The following MND1 variants were observed in gnomAD, a reference collection of about 807,000 sequenced individuals.
MND1 encodes meiotic nuclear divisions 1.
In MND1, 28 loss-of-function variants were observed where a neutral mutation model predicts 35.1. The observed-to-expected ratio is 0.80, with a 90% CI of 0.59 to 1.09. The LOEUF (loss-of-function observed/expected upper bound fraction) is 1.09, where lower values mean the gene tolerates loss of function less well. Ranked by LOEUF, MND1 falls within the 50% of genes least tolerant of loss-of-function variation. The pLI is 0.00. For missense variants in MND1, 213 were observed against 239.6 expected (o/e 0.89, Z 0.73); for synonymous variants, 69 against 70.5 (o/e 0.98, Z 0.11).
chr4:153,390,963 A>G (rs1729015092), intron 4 of MND1, among the ~76,000 whole-genome samples: 2 of 148,548 alleles, frequency 1.3e-5, no homozygotes, highest in Non-Finnish European at 3.0e-5. Flanking sequence ...TTCTTTAATT[A>G]TTGGCTTTTA....
intron 4 of MND1, among the ~76,000 whole-genome samples, chr4:153,386,893 G>C (rs1013390499): frequency 1.3e-5 from 2 of 152,150 alleles, no homozygotes; most frequent in Non-Finnish European, 2.9e-5. Context: ...AGACAAGAAG[G>C]ATGCACACTG....
chr4:153,365,511 C>T lies in MND1; in HGVS notation c.276+6889C>T, dbSNP rs535707897. On this transcript the variant is annotated intron_variant, in intron 4 of 7. Transcript: ENST00000240488. ...GATCAGATAGGTTATTGGAATAATC[C>T]AACTGTAAAGTTACAGTGGTTTTTT... Among the ~76,000 whole-genome samples the T allele has an allele frequency of 2.0e-5, 3 of 152,130 alleles. No individual in the cohort carries two copies. The East Asian group carries it at 5.8e-4, about 29-fold the overall frequency.
At chr4:153,407,706 A>G (rs1236644586) in intron 6 of MND1, among the ~76,000 whole-genome samples, 4 of 152,230 alleles carry the variant, frequency 2.6e-5, no homozygotes, top group Non-Finnish European at 5.9e-5. Context: ...ATAAAAAAGA[A>G]TGAGGTATTG....
At chr4:153,360,604 G>GTATATA (rs1351117949) in intron 4 of MND1, among the ~76,000 whole-genome samples, 1 of 128,494 alleles carries the variant, frequency 7.8e-6, no homozygotes, top group African/African-American at 3.3e-5. Context: ...GTGTGTGTGT[G>GTATATA]TGTATATATA....
At chr4:153,390,927 G>A (rs1435936951) in intron 4 of MND1, among the ~76,000 whole-genome samples, 38 of 144,338 alleles carry the variant, frequency 2.6e-4, no homozygotes, top group African/African-American at 9.9e-4. Flanking sequence ...ATATGTGTGT[G>A]TGTGTGTGTG....
At chr4:153,371,192 C>G (rs1237037282) in intron 4 of MND1, among the ~76,000 whole-genome samples, 1 of 152,006 alleles carries the variant, frequency 6.6e-6, no homozygotes, top group Non-Finnish European at 1.5e-5. Context: ...CTTTGTTATT[C>G]CACTTATAGG....
At chr4:153,394,450 G>A (rs1012080933) in intron 5 of MND1, 114 bp downstream of exon 5, 4 of 731,300 alleles carry the variant, frequency 5.5e-6, no homozygotes, top group South Asian at 5.3e-5. Context: ...GGGGATCATA[G>A]CCAAGGATAG....
chr4:153,356,625 C>T (rs1773349983), intron 3 of MND1, among the ~76,000 whole-genome samples: 1 of 150,790 alleles, frequency 6.6e-6, no homozygotes, highest in Non-Finnish European at 1.5e-5. Flanking sequence ...CGTTTCTCCA[C>T]CCATACTGAG....
chr4:153,381,995 G>T (rs1213304920), intron 4 of MND1: 3 of 151,662 alleles, frequency 2.0e-5, no homozygotes, highest in African/African-American at 7.3e-5. Flanking sequence ...GGGACTACAG[G>T]TGCACACCAC....
At chr4:153,345,369 A>T in intron 1 of MND1, 1 of 985,356 alleles carries the variant, frequency 1.0e-6, no homozygotes, top group Non-Finnish European at 1.2e-6. Context: ...TTCTGTGAAA[A>T]CGCCCCGGTT....
intron 7 of MND1, among the ~76,000 whole-genome samples, chr4:153,413,366 A>C (rs542425494): frequency 2.0e-5 from 3 of 152,256 alleles, no homozygotes. Context: ...GTGTATGTAC[A>C]TTAAAGAAAT....
intron 4 of MND1, among the ~76,000 whole-genome samples, chr4:153,365,864 A>G (rs1224435518): frequency 6.6e-6 from 1 of 152,226 alleles, no homozygotes; most frequent in Non-Finnish European, 1.5e-5. Flanking sequence ...GGATTTCCTT[A>G]TGGAATGGAT....
intron 4 of MND1, among the ~76,000 whole-genome samples, chr4:153,385,730 A>G (rs1822012): frequency 0.055 from 8,226 of 150,740 alleles, 349 homozygotes; most frequent in South Asian, 0.14. Context: ...AAAAAAAAAA[A>G]AAAAGAAAAG....
Position 153,392,194 on chromosome 4 carries a change from C to G in MND1, c.277-2068C>G, listed in dbSNP as rs533709034. On this transcript the variant is annotated intron_variant, in intron 4 of 7. Transcript: ENST00000240488. ...TCGGCTCACTGCAAGCTCCACCTCC[C>G]GGGTTCATGCCATTCTCCCACCTCA... is the stretch of plus-strand genomic sequence containing the variant. Among the ~76,000 whole-genome samples the G allele has an allele frequency of 6.6e-5, 10 of 151,926 alleles. No individual in the cohort carries two copies. In the South Asian group the frequency reaches 2.1e-3, roughly 32 times the overall value.
At chr4:153,359,629 C>T (rs1773430250) in intron 4 of MND1, among the ~76,000 whole-genome samples, 2 of 152,186 alleles carry the variant, frequency 1.3e-5, no homozygotes, top group Non-Finnish European at 2.9e-5. Flanking sequence ...GCATTCCCAA[C>T]TACAGTGGGT....
intron 6 of MND1, among the ~76,000 whole-genome samples, chr4:153,405,541 GA>G (rs70963177): frequency 0.49 from 66,229 of 135,632 alleles, 17,702 homozygotes; most frequent in African/African-American, 0.78. Flanking sequence ...GTCTCAAAAA[GA>G]AAAAAAAAAA....
chr4:153,392,496 G>A (rs1165420525), intron 4 of MND1, among the ~76,000 whole-genome samples: 1 of 149,302 alleles, frequency 6.7e-6, no homozygotes, highest in Non-Finnish European at 1.5e-5. Flanking sequence ...AAGAGTGAGG[G>A]AGGAGTGGAA....
At chr4:153,398,685 A>T (rs1298249185) in intron 6 of MND1, among the ~76,000 whole-genome samples, 1 of 152,206 alleles carries the variant, frequency 6.6e-6, no homozygotes, top group Non-Finnish European at 1.5e-5. Flanking sequence ...GTATTTGGGG[A>T]GAATGTCAGC....
At chr4:153,409,815 G>GTCT (rs1422293665) in intron 7 of MND1, among the ~76,000 whole-genome samples, 1 of 151,626 alleles carries the variant, frequency 6.6e-6, no homozygotes, top group Non-Finnish European at 1.5e-5. Context: ...TATTTCTTAA[G>GTCT]TAAGGTAATG....
Sources: allele counts gnomAD v4.1 joint callset (sites outside exome capture counted in the v4.1 genomes callset), GRCh38; gene constraint gnomAD v4.1.1; transcripts MANE v1.5; gene names NCBI Gene and HGNC (gene_info 2026-07-23, HGNC 2026-07-21).